Variants in CPNE8 observed in about 807,000 individuals in gnomAD.
CPNE8 encodes the protein copine 8.
In CPNE8, 45 loss-of-function variants were observed where a neutral mutation model predicts 81.5. The observed-to-expected ratio is 0.55, with a 90% CI of 0.44 to 0.71. CPNE8 has a LOEUF of 0.71. Ranked by LOEUF, CPNE8 falls within the 30% of genes least tolerant of loss-of-function variation. The probability of loss-of-function intolerance (pLI) is 0.00; values close to 1 mark genes in which losing one functional copy is unlikely to be tolerated. For synonymous variants in CPNE8, 252 were observed against 226.3 expected, an observed-to-expected ratio of 1.11 and a Z score of -1.02; for missense variants, 594 against 672.1, an observed-to-expected ratio of 0.88 and a Z score of 1.28.
intron 6 of CPNE8, among the ~76,000 whole-genome samples, chr12:38,817,458 G>C (rs1484294790): frequency 6.6e-6 from 1 of 152,060 alleles, no homozygotes; most frequent in Non-Finnish European, 1.5e-5. Context: ...ACACCAGGAA[G>C]GAACCTCATC....
At chr12:38,893,053 G>A (rs1008293529) in intron 1 of CPNE8, among the ~76,000 whole-genome samples, 1 of 152,018 alleles carries the variant, frequency 6.6e-6, no homozygotes, top group African/African-American at 2.4e-5. Flanking sequence ...CATTTTTAAA[G>A]TCTCATGATC....
At chr12:38,730,034 A>G (rs1940794849) in intron 11 of CPNE8, among the ~76,000 whole-genome samples, 1 of 151,990 alleles carries the variant, frequency 6.6e-6, no homozygotes, top group Non-Finnish European at 1.5e-5. Flanking sequence ...TTAAGAAACA[A>G]TAAACTTATA....
intron 6 of CPNE8, among the ~76,000 whole-genome samples, chr12:38,799,402 C>G (rs1406855824): frequency 2.0e-5 from 3 of 152,174 alleles, no homozygotes; most frequent in African/African-American, 7.2e-5. Flanking sequence ...TCACTCTAAA[C>G]TGCTCAACTA....
At chr12:38,682,652 G>A (rs74767804) in intron 16 of CPNE8, among the ~76,000 whole-genome samples, 1 of 152,076 alleles carries the variant, frequency 6.6e-6, no homozygotes, top group Non-Finnish European at 1.5e-5. Flanking sequence ...ATGTATATAT[G>A]TGCATGTATA....
At chr12:38,905,640 A>C (rs1413301131), upstream of CPNE8, 3 of 1,506,414 alleles carry the variant, frequency 2.0e-6, no homozygotes, top group Admixed American at 6.1e-5. Context: ...GTGGAGGCAG[A>C]AGAAGGAGGC....
chr12:38,807,067 G>A (rs1942825985), intron 6 of CPNE8, among the ~76,000 whole-genome samples: 2 of 152,064 alleles, frequency 1.3e-5, no homozygotes, highest in African/African-American at 2.4e-5. Context: ...CCTCTTCCAG[G>A]AGAACTACAA....
intron 5 of CPNE8, 62 bp downstream of exon 5, chr12:38,839,854 A>T (rs1484245434): frequency 1.5e-6 from 2 of 1,360,314 alleles, no homozygotes; most frequent in Non-Finnish European, 2.0e-6. Flanking sequence ...AATATTAATA[A>T]GTCAGCATAA....
intron 6 of CPNE8, among the ~76,000 whole-genome samples, chr12:38,788,596 G>T (rs1360460027): frequency 6.6e-6 from 1 of 151,734 alleles, no homozygotes; most frequent in Non-Finnish European, 1.5e-5. Flanking sequence ...AGTACTGGAA[G>T]TTCTAGCTAG....
intron 10 of CPNE8, among the ~76,000 whole-genome samples, chr12:38,740,806 G>A (rs1412534432): frequency 6.6e-6 from 1 of 152,104 alleles, no homozygotes; most frequent in Non-Finnish European, 1.5e-5. Flanking sequence ...ATTTTACTGA[G>A]GATTTTTGCA....
intron 6 of CPNE8, among the ~76,000 whole-genome samples, chr12:38,800,073 C>T (rs949258867): frequency 7.7e-6 from 1 of 129,662 alleles, no homozygotes; most frequent in African/African-American, 2.6e-5. Flanking sequence ...GGCAACGAGG[C>T]TGGGGGAGGG....
chr12:38,795,810 T>A (rs533379623), intron 6 of CPNE8, among the ~76,000 whole-genome samples: 1 of 152,056 alleles, frequency 6.6e-6, no homozygotes, highest in Non-Finnish European at 1.5e-5. Flanking sequence ...TGTGAATATA[T>A]TTAACACTAC....
At chr12:38,798,033 G>A (rs2136949050) in intron 6 of CPNE8, among the ~76,000 whole-genome samples, 1 of 152,222 alleles carries the variant, frequency 6.6e-6, no homozygotes, top group East Asian at 1.9e-4. Context: ...AAGCCTCCAA[G>A]AAATATGGGA....
At chr12:38,842,641 T>A (rs1943491319) in intron 4 of CPNE8, among the ~76,000 whole-genome samples, 1 of 141,272 alleles carries the variant, frequency 7.1e-6, no homozygotes, top group African/African-American at 2.6e-5. Context: ...ACTGGTGCAA[T>A]CTCAGCTCAC....
At chr12:38,798,718 T>C (rs569329906) in intron 6 of CPNE8, among the ~76,000 whole-genome samples, 1 of 151,430 alleles carries the variant, frequency 6.6e-6, no homozygotes, top group Non-Finnish European at 1.5e-5. Flanking sequence ...TAAATGAAAA[T>C]GGACTAAATG....
At chr12:38,902,429 G>T (rs1944504303) in intron 1 of CPNE8, among the ~76,000 whole-genome samples, 3 of 137,018 alleles carry the variant, frequency 2.2e-5, no homozygotes, top group Non-Finnish European at 4.4e-5. Flanking sequence ...AAGAAAGAAA[G>T]AAAGAAAGGA....
intron 4 of CPNE8, among the ~76,000 whole-genome samples, chr12:38,847,914 T>C (rs532891948): frequency 9.9e-5 from 15 of 152,258 alleles, no homozygotes; most frequent in African/African-American, 2.2e-4. Flanking sequence ...TTTACCCACC[T>C]GCCCACAACA....
At chr12:38,766,210 G>A (rs1259081936) in intron 8 of CPNE8, among the ~76,000 whole-genome samples, 1 of 152,058 alleles carries the variant, frequency 6.6e-6, no homozygotes, top group Non-Finnish European at 1.5e-5. Flanking sequence ...GTATCACCAG[G>A]AGCATTAGAT....
chr12:38,905,412 G>T (rs1164531640), intron 1 of CPNE8, 25 bp downstream of exon 1: 1 of 1,549,594 alleles, frequency 6.5e-7, no homozygotes, highest in Admixed American at 2.0e-5. Context: ...GAGGGCAGGA[G>T]AGAGGGGAAG....
intron 6 of CPNE8, among the ~76,000 whole-genome samples, chr12:38,782,149 T>C (rs1004225765): frequency 3.3e-5 from 5 of 152,160 alleles, no homozygotes; most frequent in Admixed American, 6.6e-5. Flanking sequence ...AAGAAACTGG[T>C]GTGACAGGAA....
Sources: gnomAD v4.1 joint callset for allele counts (sites outside exome capture counted in the v4.1 genomes callset) on GRCh38, gnomAD v4.1.1 for gene constraint, MANE v1.5 for transcripts, NCBI Gene and HGNC (gene_info 2026-07-23, HGNC 2026-07-21) for gene names.